The following SLC9A5 variants were observed in gnomAD, a reference collection of about 807,000 sequenced individuals.
SLC9A5 encodes sodium/hydrogen exchanger 5.
In SLC9A5, 52 loss-of-function variants were observed where a neutral mutation model predicts 91.7. That is an observed-to-expected ratio of 0.57 (90% CI 0.45 to 0.71). The LOEUF (loss-of-function observed/expected upper bound fraction) is 0.71. SLC9A5 is among the 30% of genes least tolerant of loss of function. The pLI is 0.00. For synonymous variants in SLC9A5, 419 were observed against 474.5 expected (o/e 0.88, Z 1.52); for missense variants, 871 against 1,158.9 (o/e 0.75, Z 3.61).
intron 14 of SLC9A5, 95 bp downstream of exon 14, chr16:67,265,201 C>T (rs2035660842): frequency 1.7e-6 from 2 of 1,144,746 alleles, no homozygotes; most frequent in Admixed American, 3.9e-5. Flanking sequence ...CTGTAGGGTG[C>T]ATTCAGCACC....
chr16:67,249,214 G>T lies in SLC9A5; in HGVS notation c.187+13G>T. ...CTGGCCAAAATCGGTGAGTGCGTGT[G>T]TGCGTGCGCCAGGCCGACCGCCAGC... On this transcript the variant is annotated intron_variant, in intron 1 of 15. Coordinates refer to ENST00000299798, the MANE Select transcript of SLC9A5 (RefSeq NM_004594.3). The T allele has an allele frequency of 6.9e-7, 1 of 1,443,328 alleles. No individual in the cohort carries two copies. Among genetic ancestry groups the T allele is most frequent in the Non-Finnish European group, 9.1e-7 (1 of 1,099,322 alleles). The allele number at this position is 1,443,328 out of a possible 1,614,324, so 89.4% of individuals were successfully genotyped here.
chr16:67,254,093 G>A (rs1027403531), intron 2 of SLC9A5, among the ~76,000 whole-genome samples: 1 of 152,182 alleles, frequency 6.6e-6, no homozygotes, highest in Non-Finnish European at 1.5e-5. Flanking sequence ...CTTACTATAT[G>A]TTAGGCATTG....
chr16:67,262,375 A>C (rs568424830), intron 12 of SLC9A5: 29 of 415,858 alleles, frequency 7.0e-5, no homozygotes, highest in African/African-American at 4.7e-4. Context: ...ATATCATTAG[A>C]GAGAGACAGA....
chr16:67,252,574 G>A lies in SLC9A5; in HGVS notation c.220G>A (p.Val74Ile), dbSNP rs1399870685. The A allele has an allele frequency of 6.2e-7, 1 of 1,613,718 alleles. No individual in the cohort carries two copies. The highest frequency in any genetic ancestry group is 2.2e-5 in the East Asian group (1 of 44,882). Reference sequence around the variant, plus strand: ...CCTGTCTCGGAAAGTAACATCTCTGGTCCCTGAGAGCTGCCTGCTGATTTT... The same window carrying A: ...CCTGTCTCGGAAAGTAACATCTCTGATCCCTGAGAGCTGCCTGCTGATTTT... ...FHLSRKVTSL[V>I]PESCLLILLG... The change falls in exon 2 of 16, where the codon GTC (valine) becomes ATC (isoleucine). Residue 74 changes from valine to isoleucine, a missense_variant. Val to Ile is a conservative substitution (Grantham distance 29). This residue lies in a region of SLC9A5 where 122 missense variants were observed against 114.5 expected (regional missense o/e 1.07). Coordinates refer to ENST00000299798, the MANE Select transcript of SLC9A5 (RefSeq NM_004594.3). The surrounding 1 kb of genome is among the most constrained non-coding windows in gnomAD (Gnocchi z 4.0).
In SLC9A5 at chr16:67,255,016, A is replaced by T; in HGVS notation, c.491-5A>T. The T allele has an allele frequency of 6.2e-7, 1 of 1,612,744 alleles. No individual in the cohort carries two copies. Among genetic ancestry groups the T allele is most frequent in the Non-Finnish European group, 8.5e-7 (1 of 1,179,354 alleles). ...CTGGCCTGTCCTACACATGTCCCTTAATAGCCCCTAGGGTGCAGGCTGGCT... is the reference window on the plus strand; with the variant it reads ...CTGGCCTGTCCTACACATGTCCCTTTATAGCCCCTAGGGTGCAGGCTGGCT... On this transcript the variant is annotated splice_polypyrimidine_tract_variant and splice_region_variant and intron_variant, in intron 2 of 15. Transcript: ENST00000299798. This position sits in a 1 kb window ranked among gnomAD's most constrained non-coding sequence, Gnocchi z 4.9.
chr16:67,268,697 TATATATATA>T (rs1567421659), intron 15 of SLC9A5, among the ~76,000 whole-genome samples: 6 of 91,668 alleles, frequency 6.5e-5, no homozygotes, highest in African/African-American at 2.4e-4. Context: ...TATATATATA[TATATATATA>T]TATATTTTTA....
In SLC9A5 at chr16:67,267,337, C is replaced by T. The variant is rs192256197; in HGVS notation, c.2218+1112C>T. 3.9e-3 allele frequency among the ~76,000 whole-genome samples: 591 copies of T among 151,864 alleles called. 1 individual carries two copies. The highest frequency in any genetic ancestry group is 0.01 in the Middle Eastern group (3 of 294). ...CTGACCTCAGGTGATCTGCCCTCCTCGGCCTCCCAAAGTGCTGGGATTACA... is the reference window on the plus strand; with the variant it reads ...CTGACCTCAGGTGATCTGCCCTCCTTGGCCTCCCAAAGTGCTGGGATTACA... On this transcript the variant is annotated intron_variant, in intron 15 of 15. Transcript: ENST00000299798.
intron 12 of SLC9A5, chr16:67,262,477 T>A (rs1359558335): frequency 2.6e-5 from 8 of 312,466 alleles, no homozygotes; most frequent in Admixed American, 4.1e-5. Flanking sequence ...TATCAGGTTT[T>A]GTCACCTGGC....
chr16:67,264,346 T>C lies in SLC9A5; in HGVS notation c.1843-6T>C. 6.2e-7 allele frequency: 1 copy of C among 1,613,778 alleles called. No homozygotes were observed. Among genetic ancestry groups the C allele is most frequent in the Non-Finnish European group, 8.5e-7 (1 of 1,179,880 alleles). On this transcript the variant is annotated splice_polypyrimidine_tract_variant and splice_region_variant and intron_variant, in intron 12 of 15. Coordinates refer to ENST00000299798, the MANE Select transcript of SLC9A5 (RefSeq NM_004594.3). ...CCTCATAGCCAGGCGGGGCTGTCAT[T>C]GCCAGTACAAAGCCAGCTGCAGTCG... is the stretch of plus-strand genomic sequence containing the variant.
chr16:67,252,584 G>A lies in SLC9A5; in HGVS notation c.230G>A (p.Ser77Asn), dbSNP rs748659026. Residue 77 changes from serine (S) to asparagine (N), a missense_variant, in exon 2 of 16, where the codon AGC becomes AAC. By Grantham distance (46) the Ser-to-Asn change is conservative. This residue lies in a region of SLC9A5 where 122 missense variants were observed against 114.5 expected (regional missense o/e 1.07). Coordinates refer to ENST00000299798, the MANE Select transcript of SLC9A5 (RefSeq NM_004594.3). This position sits in a 1 kb window ranked among gnomAD's most constrained non-coding sequence, Gnocchi z 4.0. ...SRKVTSLVPE[S>N]CLLILLGLVL... is the part of the protein sequence containing the mutation. ...AAAGTAACATCTCTGGTCCCTGAGA[G>A]CTGCCTGCTGATTTTGCTGGGCCTG... 1.2e-6 allele frequency: 2 copies of A among 1,613,902 alleles called. No individual in the cohort carries two copies. Among genetic ancestry groups the A allele is most frequent in the Non-Finnish European group, 1.7e-6 (2 of 1,179,994 alleles).
In SLC9A5 at chr16:67,264,379, A is replaced by G. The variant is rs1046927060; in HGVS notation, c.1870A>G (p.Ile624Val). Residue 624 changes from isoleucine (I) to valine (V), a missense_variant, in exon 13 of 16, where the codon ATC becomes GTC. This residue lies in a region of SLC9A5 where 454 missense variants were observed against 718.3 expected (regional missense o/e 0.63). Transcript: ENST00000299798. Reference sequence around the variant, plus strand: ...CAAAGCCAGCTGCAGTCGCCACTTCATCTCAGAGGATGCGCAGGAGCGGCA... The same window carrying G: ...CAAAGCCAGCTGCAGTCGCCACTTCGTCTCAGAGGATGCGCAGGAGCGGCA... ...RYKASCSRHF[I>V]SEDAQERQDK... is the part of the protein sequence containing the mutation. The G allele has an allele frequency of 6.2e-7, 1 of 1,614,034 alleles. No homozygotes were observed. The highest frequency in any genetic ancestry group is 8.5e-7 in the Non-Finnish European group (1 of 1,180,040).
Position 67,255,450 on chromosome 16 carries a change from A to T in SLC9A5, c.712A>T (p.Thr238Ser), listed in dbSNP as rs908784471. ...GATGGGCTCTGCCAATGTGCAGGCC[A>T]CTGACTACCTGAAGGGAGTCGGTCA... The part of the protein sequence containing the change: ...VEMGSANVQA[T>S]DYLKGVASLF... The change falls in exon 4 of 16, where the codon ACT becomes TCT. Residue 238 changes from threonine to serine, a missense_variant. Transcript: ENST00000299798. This position sits in a 1 kb window ranked among gnomAD's most constrained non-coding sequence, Gnocchi z 4.9. 13 of 1,613,986 alleles carry T rather than the reference A, an allele frequency of 8.1e-6. No homozygotes were observed. In the Admixed American group the frequency reaches 1.3e-4, roughly 17 times the overall value.
chr16:67,260,797 C>T (rs1039718743), intron 12 of SLC9A5, among the ~76,000 whole-genome samples: 4 of 152,210 alleles, frequency 2.6e-5, no homozygotes, highest in African/African-American at 7.2e-5. Flanking sequence ...TGAAGCTTTG[C>T]GTCTGGAAAG....
chr16:67,264,912 C>A, intron 13 of SLC9A5, 128 bp from the exon 14 acceptor site: 1 of 903,428 alleles, frequency 1.1e-6, no homozygotes, highest in Non-Finnish European at 1.8e-6. Flanking sequence ...GATGGTAGAA[C>A]CACTGGGACT....
At position 67,259,842 on chromosome 16, in the gene SLC9A5, T is replaced by C. The variant is rs1289282714; in HGVS notation, c.1738T>C (p.Cys580Arg). Residue 580 changes from cysteine to arginine, a missense_variant, in exon 12 of 16, where the codon TGT becomes CGT. Physicochemically the swap from Cys to Arg is radical, Grantham distance 180 (BLOSUM62 -3). Coordinates refer to ENST00000299798, the MANE Select transcript of SLC9A5 (RefSeq NM_004594.3). ...CAGGAGGGAGAGTGGCAGTGGAGCG[T>C]GTCTGGATCTGCAGGTGATTGACAC... ...NLLRESGSGA[C>R]LDLQVIDTVR... 1 of 1,614,120 alleles carries C rather than the reference T, an allele frequency of 6.2e-7. No individual in the cohort carries two copies. Among genetic ancestry groups the C allele is most frequent in the Non-Finnish European group, 8.5e-7 (1 of 1,180,024 alleles).
At chr16:67,254,945 G>T in intron 2 of SLC9A5, 76 bp from the exon 3 acceptor site, 1 of 1,466,146 alleles carries the variant, frequency 6.8e-7, no homozygotes. Flanking sequence ...GTGGGGCCTG[G>T]GCTTGTTCCA....
chr16:67,258,544 G>A lies in SLC9A5; in HGVS notation c.1626+97G>A. The stretch of plus-strand genomic sequence containing the variant: ...GGCAAGCAGGCTGGCCCTGAGCAGG[G>A]AGTTGGGAATTCCTAGCTGGCTCCA... On this transcript the variant is annotated intron_variant, in intron 10 of 15. Transcript: ENST00000299798. The surrounding 1 kb of genome is among the most constrained non-coding windows in gnomAD (Gnocchi z 4.5). 4 of 1,452,046 alleles carry A rather than the reference G, an allele frequency of 2.8e-6. No homozygotes were observed. The highest frequency in any genetic ancestry group is 1.2e-5 in the South Asian group (1 of 85,680). 89.9% of individuals were successfully genotyped at this position (1,452,046 alleles called of 1,614,324 possible). A position where few individuals can be genotyped will look rare whatever the true frequency, so the allele number is the denominator to read the frequency against.
Position 67,255,269 on chromosome 16 carries a change from C to T in SLC9A5, c.654+85C>T. 6.5e-7 allele frequency: 1 copy of T among 1,540,756 alleles called. No individual in the cohort carries two copies. Among genetic ancestry groups the T allele is most frequent in the Non-Finnish European group, 8.9e-7 (1 of 1,127,324 alleles). ...GGGGTCTGCGCAGACTCAGTCCCTT[C>T]CCTTGGGTCCCCTGGGGCAGAAATA... On this transcript the variant is annotated intron_variant, in intron 3 of 15. Transcript: ENST00000299798. The surrounding 1 kb of genome is among the most constrained non-coding windows in gnomAD (Gnocchi z 4.9).
At chr16:67,260,058 G>A (rs2035474321) in intron 12 of SLC9A5, 112 bp downstream of exon 12, 10 of 1,432,686 alleles carry the variant, frequency 7.0e-6, no homozygotes, top group African/African-American at 1.4e-5. Context: ...GCTAAAGAGT[G>A]TGGGTTTCAG....
Sources: allele counts gnomAD v4.1 joint callset (sites outside exome capture counted in the v4.1 genomes callset), GRCh38; gene constraint gnomAD v4.1.1; regional missense constraint gnomAD v4.1.1; non-coding constraint Gnocchi (gnomAD v3.1); transcripts MANE v1.5; gene names NCBI Gene and HGNC (gene_info 2026-07-23, HGNC 2026-07-21).